The following OSBPL10 variants were observed in gnomAD, a reference collection of about 807,000 sequenced individuals.
OSBPL10 encodes the protein oxysterol-binding protein-related protein 10.
A neutral mutation model predicts 81.7 loss-of-function variants in OSBPL10; 49 were observed. That is an observed-to-expected ratio of 0.60 (90% CI 0.48 to 0.76). The LOEUF is 0.76. OSBPL10 is among the 30% of genes least tolerant of loss of function. The pLI is 0.00. For synonymous variants in OSBPL10, 419 were observed against 383.6 expected (o/e 1.09, Z -1.08); for missense variants, 923 against 987.8 (o/e 0.93, Z 0.88).
intron 4 of OSBPL10, among the ~76,000 whole-genome samples, chr3:31,786,059 A>T (rs1021530947): frequency 6.6e-6 from 1 of 152,198 alleles, no homozygotes; most frequent in African/African-American, 2.4e-5. Context: ...AGAACCAGAC[A>T]AGGATAGAGG....
intron 4 of OSBPL10, among the ~76,000 whole-genome samples, chr3:31,804,326 G>A (rs138316617): frequency 1.0e-3 from 156 of 152,112 alleles, no homozygotes; most frequent in African/African-American, 3.5e-3. Flanking sequence ...TATTATCTCC[G>A]TTTTACAGAT....
intron 2 of OSBPL10, among the ~76,000 whole-genome samples, chr3:32,040,360 T>C (rs1284916829): frequency 6.6e-6 from 1 of 151,974 alleles, no homozygotes; most frequent in Non-Finnish European, 1.5e-5. Flanking sequence ...TGAGCTAACA[T>C]TGCACCACTG....
Position 31,989,561 on chromosome 3 carries a change from C to T in OSBPL10, n.298+56930G>A, listed in dbSNP as rs140232911. ...GATCAGCTTGGATTAAGCTTTCATT[C>T]GCATCTTCCTGAACTCCACATATTT... On this transcript the variant is annotated intron_variant and non_coding_transcript_variant, in intron 2 of 3. Coordinates refer to the OSBPL10 transcript ENST00000479173. The T allele has an allele frequency of 1.3e-3, 2,026 of 1,614,170 alleles. 17 individuals carry two copies. The African/African-American group carries it at 0.022, about 17-fold the overall frequency.
At chr3:32,032,780 C>T (rs1194336842) in intron 2 of OSBPL10, among the ~76,000 whole-genome samples, 3 of 152,186 alleles carry the variant, frequency 2.0e-5, no homozygotes, top group African/African-American at 7.2e-5. Flanking sequence ...TTGTGTTAGA[C>T]TTCAATTCAA....
chr3:31,721,900 C>T (rs1696656509), intron 6 of OSBPL10, among the ~76,000 whole-genome samples: 1 of 152,166 alleles, frequency 6.6e-6, no homozygotes, highest in Admixed American at 6.5e-5. Flanking sequence ...CATTATACAA[C>T]CATTAATGAT....
chr3:31,853,956 ATATCT>A (rs1185268200), intron 3 of OSBPL10, among the ~76,000 whole-genome samples: 1 of 152,246 alleles, frequency 6.6e-6, no homozygotes, highest in African/African-American at 2.4e-5. Context: ...AAAGCAAGAC[ATATCT>A]TATAAGGATA....
intron 7 of OSBPL10, among the ~76,000 whole-genome samples, chr3:31,687,908 T>C (rs1444499216): frequency 6.7e-6 from 1 of 149,712 alleles, no homozygotes; most frequent in East Asian, 2.0e-4. Context: ...ATAATAATAA[T>C]AATAATAATA....
intron 4 of OSBPL10, among the ~76,000 whole-genome samples, chr3:31,820,452 G>A (rs1048946835): frequency 5.3e-4 from 81 of 152,044 alleles, no homozygotes; most frequent in African/African-American, 4.1e-4. Context: ...AAAATTAGCC[G>A]GGTGCCGTGA....
chr3:31,924,709 T>G (rs1697021068), intron 1 of OSBPL10, among the ~76,000 whole-genome samples: 1 of 152,184 alleles, frequency 6.6e-6, no homozygotes, highest in South Asian at 2.1e-4. Flanking sequence ...ACAGTCATTT[T>G]AGGCATCACA....
chr3:31,872,604 A>G (rs1424856620), intron 3 of OSBPL10, among the ~76,000 whole-genome samples: 2 of 149,954 alleles, frequency 1.3e-5, no homozygotes, highest in Non-Finnish European at 3.0e-5. Context: ...ACACAACAGC[A>G]TGGATGAAAT....
intron 4 of OSBPL10, among the ~76,000 whole-genome samples, chr3:31,779,628 C>T (rs996754134): frequency 2.6e-5 from 4 of 152,184 alleles, no homozygotes; most frequent in Non-Finnish European, 4.4e-5. Flanking sequence ...ACTCCACTGA[C>T]AGCACTAGAC....
intron 4 of OSBPL10, among the ~76,000 whole-genome samples, chr3:31,806,128 A>T (rs1336010861): frequency 6.6e-6 from 1 of 152,032 alleles, no homozygotes; most frequent in Admixed American, 6.5e-5. Flanking sequence ...CTTAGCCTCC[A>T]CCTATCATGC....
At chr3:31,773,620 TA>T (rs1221161782) in intron 4 of OSBPL10, among the ~76,000 whole-genome samples, 1 of 152,206 alleles carries the variant, frequency 6.6e-6, no homozygotes, top group Non-Finnish European at 1.5e-5. Context: ...GGTGGTGGTT[TA>T]CTTGCTTCTC....
intron 4 of OSBPL10, among the ~76,000 whole-genome samples, chr3:31,762,842 G>A (rs1698091415): frequency 6.6e-6 from 1 of 151,770 alleles, no homozygotes; most frequent in African/African-American, 2.4e-5. Context: ...ATCATAATTT[G>A]CGGATGCGAG....
intron 4 of OSBPL10, among the ~76,000 whole-genome samples, chr3:31,810,152 T>C (rs1243796066): frequency 6.6e-6 from 1 of 152,132 alleles, no homozygotes; most frequent in Non-Finnish European, 1.5e-5. Flanking sequence ...ATCACAGGCA[T>C]GAGCCACCGC....
chr3:31,848,341 C>G (rs1367302099), intron 3 of OSBPL10, among the ~76,000 whole-genome samples: 1 of 151,270 alleles, frequency 6.6e-6, no homozygotes, highest in Non-Finnish European at 1.5e-5. Flanking sequence ...CACTACAAGC[C>G]CCCCCCAGTT....
chr3:31,904,357 C>T (rs1403185471), intron 1 of OSBPL10, among the ~76,000 whole-genome samples: 1 of 152,158 alleles, frequency 6.6e-6, no homozygotes, highest in Non-Finnish European at 1.5e-5. Context: ...ATCCCAGGCA[C>T]TAAGGCACCA....
intron 2 of OSBPL10, among the ~76,000 whole-genome samples, chr3:31,879,253 C>T (rs1314324144): frequency 6.6e-6 from 1 of 152,104 alleles, no homozygotes. Context: ...AGAAACGGTT[C>T]TAGAGAAACT....
intron 3 of OSBPL10, among the ~76,000 whole-genome samples, chr3:31,866,496 C>T (rs942497356): frequency 3.3e-5 from 5 of 152,202 alleles, no homozygotes; most frequent in African/African-American, 4.8e-5. Flanking sequence ...TGGAACCAAC[C>T]AGTGTCAGCC....
Sources: allele counts gnomAD v4.1 joint callset (sites outside exome capture counted in the v4.1 genomes callset), GRCh38; gene constraint gnomAD v4.1.1; transcripts MANE v1.5; gene names NCBI Gene and HGNC (gene_info 2026-07-23, HGNC 2026-07-21).